The following UNC13C variants were observed in gnomAD, a reference collection of about 807,000 sequenced individuals.
The protein encoded by UNC13C is protein unc-13 homolog C.
In UNC13C, 174 loss-of-function variants were observed where a neutral mutation model predicts 245.4. That is an observed-to-expected ratio of 0.71 (90% CI 0.63 to 0.80). UNC13C has a LOEUF of 0.80. Ranked by LOEUF, UNC13C falls within the 30% of genes least tolerant of loss-of-function variation. The pLI, the probability that UNC13C is intolerant of heterozygous loss-of-function variation, is 0.00. For missense variants in UNC13C, 2,829 were observed against 2,602.9 expected (o/e 1.09, Z -1.89); for synonymous variants, 992 against 895.1 (o/e 1.11, Z -1.93).
At chr15:53,911,453 C>T in the UNC13C span, 2 of 152,230 alleles carry the variant, frequency 1.3e-5, no homozygotes, top group African/African-American at 4.8e-5. Flanking sequence ...GGACCCCTCA[C>T]AGTGGTGGCA....
chr15:54,351,647 T>C (rs1029374840), intron 17 of UNC13C, among the ~76,000 whole-genome samples: 60 of 152,240 alleles, frequency 3.9e-4, no homozygotes, highest in African/African-American at 1.4e-3. Flanking sequence ...TGGTGGAGTA[T>C]ATTATAAAAC....
the UNC13C span, among the ~76,000 whole-genome samples, chr15:53,844,029 G>A: frequency 5.9e-5 from 9 of 152,188 alleles, no homozygotes; most frequent in Non-Finnish European, 8.8e-5. Context: ...CCAGTTTAAA[G>A]GAGATGTGAC....
At chr15:54,479,331 G>A (rs886286497) in intron 19 of UNC13C, among the ~76,000 whole-genome samples, 1 of 151,910 alleles carries the variant, frequency 6.6e-6, no homozygotes, top group African/African-American at 2.4e-5. Context: ...ATTATATAAT[G>A]TTCTTCTTTT....
chr15:54,453,096 C>T (rs1891270992), intron 19 of UNC13C, among the ~76,000 whole-genome samples: 1 of 152,150 alleles, frequency 6.6e-6, no homozygotes, highest in African/African-American at 2.4e-5. Context: ...CAAACCTGAG[C>T]TCATTCTCTC....
chr15:54,554,708 A>G (rs191596481), intron 28 of UNC13C, among the ~76,000 whole-genome samples: 88 of 152,168 alleles, frequency 5.8e-4, no homozygotes, highest in Non-Finnish European at 1.0e-3. Flanking sequence ...GGATGATTGT[A>G]TCAGTTTTGG....
In UNC13C at chr15:54,147,157, C is replaced by G. The variant is rs147668928; in HGVS notation, c.3071+3473C>G. Among the ~76,000 whole-genome samples the G allele has an allele frequency of 3.9e-5, 6 of 151,956 alleles. 1 individual carries two copies. The highest frequency in any genetic ancestry group is 1.4e-4 in the African/African-American group (6 of 41,434). On this transcript the variant is annotated intron_variant, in intron 4 of 32. Transcript: ENST00000260323. Reference sequence around the variant, plus strand: ...CCAACTATCCTGCAGCAGATTCTCTCTAAGGGATATCTGAGTGATACATGC... The same window carrying G: ...CCAACTATCCTGCAGCAGATTCTCTGTAAGGGATATCTGAGTGATACATGC...
chr15:53,872,028 G>A, the UNC13C span, among the ~76,000 whole-genome samples: 1 of 152,188 alleles, frequency 6.6e-6, no homozygotes, highest in South Asian at 2.1e-4. Context: ...CCTGCAGAGA[G>A]CAACTATTAT....
chr15:54,236,018 T>TAAAA (rs11465193), intron 5 of UNC13C, among the ~76,000 whole-genome samples: 1 of 146,746 alleles, frequency 6.8e-6, no homozygotes. Context: ...CATTAGATTG[T>TAAAA]AAAAAAAAAA....
In UNC13C at chr15:54,627,112, G is replaced by GAAACA. The variant is rs1555404404; in HGVS notation, c.*2_*6dup. On this transcript the variant is annotated frameshift_variant and stop_retained_variant, in exon 33 of 33. Transcript: ENST00000260323. LOFTEE classifies it high-confidence loss of function. The stretch of plus-strand genomic sequence containing the variant: ...ACAAGATCTACTGAAGAGAGTGCTT[G>GAAACA]AAACAAACACTGCAAGCTAAATACA... 155 of 1,606,122 alleles carry GAAACA rather than the reference G, an allele frequency of 9.7e-5. No individual in the cohort carries two copies. Among genetic ancestry groups the GAAACA allele is most frequent in the Non-Finnish European group, 1.3e-4 (153 of 1,175,612 alleles).
chr15:54,370,311 G>A (rs947134604), intron 17 of UNC13C, among the ~76,000 whole-genome samples: 9 of 152,076 alleles, frequency 5.9e-5, no homozygotes, highest in Non-Finnish European at 1.3e-4. Flanking sequence ...CCTAGGAACT[G>A]TCTATTGTTG....
At chr15:54,353,004 A>T (rs2039018200) in intron 17 of UNC13C, among the ~76,000 whole-genome samples, 1 of 152,194 alleles carries the variant, frequency 6.6e-6, no homozygotes, top group African/African-American at 2.4e-5. Context: ...GGAAGCATTC[A>T]AAATTATGCA....
intron 29 of UNC13C, among the ~76,000 whole-genome samples, chr15:54,562,346 A>T (rs978493195): frequency 1.3e-5 from 2 of 152,018 alleles, no homozygotes; most frequent in African/African-American, 4.8e-5. Flanking sequence ...CAAAAGTCTG[A>T]CTGTATAGGG....
At chr15:54,327,821 G>T (rs994048161) in intron 14 of UNC13C, among the ~76,000 whole-genome samples, 5 of 151,984 alleles carry the variant, frequency 3.3e-5, no homozygotes, top group African/African-American at 9.7e-5. Flanking sequence ...TCCCAAAGAG[G>T]GTGGGAGGTA....
intron 2 of UNC13C, among the ~76,000 whole-genome samples, chr15:54,114,485 A>C (rs1434963854): frequency 1.3e-5 from 2 of 152,032 alleles, no homozygotes; most frequent in African/African-American, 2.4e-5. Context: ...TGCTTTTTTC[A>C]CTCCATTTTA....
At chr15:54,493,596 A>C (rs1218987731) in intron 19 of UNC13C, among the ~76,000 whole-genome samples, 2 of 152,248 alleles carry the variant, frequency 1.3e-5, no homozygotes, top group South Asian at 2.1e-4. Flanking sequence ...TAGTGTTTTA[A>C]GAATTTAGCT....
chr15:54,319,073 A>C (rs2038082817), intron 13 of UNC13C, among the ~76,000 whole-genome samples: 1 of 151,758 alleles, frequency 6.6e-6, no homozygotes, highest in African/African-American at 2.4e-5. Flanking sequence ...CAGCCTGATG[A>C]CCTCCAGTAT....
intron 19 of UNC13C, among the ~76,000 whole-genome samples, chr15:54,482,264 T>A (rs8024652): frequency 0.41 from 62,729 of 151,914 alleles, 13,230 homozygotes; most frequent in East Asian, 0.62. Context: ...TTTAGCCCTC[T>A]GGGCACAGGA....
At chr15:54,196,102 T>G (rs538185142) in intron 4 of UNC13C, among the ~76,000 whole-genome samples, 10 of 152,266 alleles carry the variant, frequency 6.6e-5, no homozygotes, top group Non-Finnish European at 1.3e-4. Context: ...CTTTTATGAA[T>G]AGGAGATGAG....
chr15:54,532,004 T>A (rs1895765470), intron 25 of UNC13C, among the ~76,000 whole-genome samples: 1 of 151,590 alleles, frequency 6.6e-6, no homozygotes, highest in Admixed American at 6.6e-5. Context: ...ATGGTGGCAG[T>A]GGCAGTACTT....
Sources: gnomAD v4.1 joint callset for allele counts (sites outside exome capture counted in the v4.1 genomes callset) on GRCh38, gnomAD v4.1.1 for gene constraint, MANE v1.5 for transcripts, NCBI Gene and HGNC (gene_info 2026-07-23, HGNC 2026-07-21) for gene names.